MTF2: variants seen among roughly 807,000 people sequenced by gnomAD.
The protein encoded by MTF2 is metal-response element-binding transcription factor 2.
A neutral mutation model predicts 79.5 loss-of-function variants in MTF2; 11 were observed. That is an observed-to-expected ratio of 0.14 (90% CI 0.09 to 0.23). MTF2 has a LOEUF of 0.23. Among genes scored for constraint, MTF2 ranks in the 10% least tolerant of loss-of-function variants. MTF2 has a pLI of 1.00. For synonymous variants in MTF2, 208 were observed against 232.8 expected (o/e 0.89, Z 0.97); for missense variants, 486 against 711.2 (o/e 0.68, Z 3.60).
intron 9 of MTF2, among the ~76,000 whole-genome samples, chr1:93,126,769 G>A (rs550089398): frequency 6.6e-6 from 1 of 152,046 alleles, no homozygotes; most frequent in Admixed American, 6.5e-5. Flanking sequence ...ATCGGTTTAT[G>A]CTTAATGTTA....
At chr1:93,109,605 G>A (rs1048002044) in intron 1 of MTF2, among the ~76,000 whole-genome samples, 3 of 152,092 alleles carry the variant, frequency 2.0e-5, no homozygotes, top group African/African-American at 7.2e-5. Context: ...AAAGAGCTGG[G>A]ATTACAGGCA....
At chr1:93,090,427 A>G (rs1408623475) in intron 1 of MTF2, among the ~76,000 whole-genome samples, 2 of 151,396 alleles carry the variant, frequency 1.3e-5, no homozygotes, top group African/African-American at 4.9e-5. Flanking sequence ...TTGTATTTTT[A>G]GTAGAGATGG....
At chr1:93,132,319 C>T (rs1656953132) in intron 11 of MTF2, among the ~76,000 whole-genome samples, 1 of 151,940 alleles carries the variant, frequency 6.6e-6, no homozygotes, top group Non-Finnish European at 1.5e-5. Flanking sequence ...CACTCAGATC[C>T]TTTGCTAGCA....
At chr1:93,116,029 T>C (rs908220306) in intron 6 of MTF2, among the ~76,000 whole-genome samples, 1 of 152,152 alleles carries the variant, frequency 6.6e-6, no homozygotes, top group East Asian at 1.9e-4. Flanking sequence ...AAAATCAACA[T>C]GGAACTTTTT....
chr1:93,128,110 CTG>C (rs1395422430), intron 10 of MTF2, among the ~76,000 whole-genome samples: 5 of 152,044 alleles, frequency 3.3e-5, no homozygotes, highest in Admixed American at 6.5e-5. Context: ...GGAAAAAAGA[CTG>C]TAAAAAAGTC....
chr1:93,087,135 T>C (rs1037744269), intron 1 of MTF2, among the ~76,000 whole-genome samples: 1 of 152,212 alleles, frequency 6.6e-6, no homozygotes, highest in Non-Finnish European at 1.5e-5. Context: ...AAGTTTCAGA[T>C]TTTGAAGCAT....
chr1:93,100,958 C>G (rs1028978641), intron 1 of MTF2, among the ~76,000 whole-genome samples: 1 of 152,176 alleles, frequency 6.6e-6, no homozygotes, highest in African/African-American at 2.4e-5. Context: ...ATATCCTTCA[C>G]ATGCTATTAA....
chr1:93,110,449 T>G (rs768808221), intron 2 of MTF2, 21 bp downstream of exon 2: 1 of 1,611,804 alleles, frequency 6.2e-7, no homozygotes, highest in South Asian at 1.1e-5. Context: ...TTAATGTATC[T>G]TTTGCTGTTT....
chr1:93,122,608 GAAA>G (rs1282787781), intron 9 of MTF2, among the ~76,000 whole-genome samples: 1 of 151,766 alleles, frequency 6.6e-6, no homozygotes. Flanking sequence ...TAATGTCTTA[GAAA>G]AAAAGAAAAA....
chr1:93,101,366 CTTTTTTTTTTT>C (rs71586777), intron 1 of MTF2, among the ~76,000 whole-genome samples: 10 of 108,620 alleles, frequency 9.2e-5, no homozygotes, highest in South Asian at 3.0e-4. Context: ...CTATCTTAAC[CTTTTTTTTTTT>C]TTTTTTTTTT....
intron 1 of MTF2, among the ~76,000 whole-genome samples, chr1:93,095,120 C>A (rs1351315742): frequency 6.6e-6 from 1 of 152,036 alleles, no homozygotes; most frequent in African/African-American, 2.4e-5. Context: ...GCCTCAAACT[C>A]CTGGGCTCAA....
At chr1:93,080,169 A>T (rs550752317) in intron 1 of MTF2, among the ~76,000 whole-genome samples, 12 of 152,190 alleles carry the variant, frequency 7.9e-5, no homozygotes, top group African/African-American at 2.9e-4. Context: ...TTTGGAGCTC[A>T]CCAAAAATAT....
At position 93,131,248 on chromosome 1, in the gene MTF2, C is replaced by T. The variant is rs147105993; in HGVS notation, c.1160+1800C>T. 1.3e-4 allele frequency among the ~76,000 whole-genome samples: 20 copies of T among 152,144 alleles called. No individual in the cohort carries two copies. The East Asian group carries it at 3.9e-3, about 29-fold the overall frequency. ...GAAACCAGGAAGTTTGATGTCATGA[C>T]AACCAAAAGAAAGGTAGTGTTTCAA... On this transcript the variant is annotated intron_variant, in intron 11 of 14. Transcript: ENST00000370298.
chr1:93,109,610 C>T (rs887721136), intron 1 of MTF2, among the ~76,000 whole-genome samples: 3 of 152,164 alleles, frequency 2.0e-5, no homozygotes, highest in Non-Finnish European at 2.9e-5. Flanking sequence ...GCTGGGATTA[C>T]AGGCATGAGC....
At chr1:93,107,720 CGTTT>C (rs1477819375) in intron 1 of MTF2, among the ~76,000 whole-genome samples, 12 of 146,432 alleles carry the variant, frequency 8.2e-5, no homozygotes, top group African/African-American at 2.5e-4. Flanking sequence ...TTTTTTTTTT[CGTTT>C]GTTCTTGTGA....
chr1:93,121,253 A>T (rs996211198), intron 9 of MTF2: 28 of 942,878 alleles, frequency 3.0e-5, no homozygotes, highest in Non-Finnish European at 3.4e-5. Context: ...AATGAATTTA[A>T]AAGTAATGTG....
chr1:93,137,037 T>A lies in MTF2; in HGVS notation c.*10T>A. The stretch of plus-strand genomic sequence containing the variant: ...AGCAACTGCATCCTGACTGTAGGAC[T>A]GAACATTATGTTCACTGCACTCTGA... On this transcript the variant is annotated 3_prime_UTR_variant, in exon 15 of 15. Transcript: ENST00000370298. 5.0e-6 allele frequency: 8 copies of A among 1,605,632 alleles called. No homozygotes were observed. The highest frequency in any genetic ancestry group is 6.8e-6 in the Non-Finnish European group (8 of 1,173,182).
chr1:93,119,476 A>T, intron 8 of MTF2, 75 bp downstream of exon 8: 1 of 1,110,504 alleles, frequency 9.0e-7, no homozygotes, highest in Non-Finnish European at 1.3e-6. Context: ...TTCTATATAC[A>T]TTTACTTGGC....
chr1:93,121,272 A>G, intron 9 of MTF2: 1 of 924,410 alleles, frequency 1.1e-6, no homozygotes, highest in Non-Finnish European at 1.3e-6. Flanking sequence ...TGTGTTCATT[A>G]AAGAAAATTT....
Sources: allele counts gnomAD v4.1 joint callset (sites outside exome capture counted in the v4.1 genomes callset), GRCh38; gene constraint gnomAD v4.1.1; transcripts MANE v1.5; gene names NCBI Gene and HGNC (gene_info 2026-07-23, HGNC 2026-07-21).